The following TREH variants were observed in gnomAD, a reference collection of about 807,000 sequenced individuals.
TREH encodes the protein trehalase, also known as alpha,alpha-trehalose glucohydrolase.
TREH carries 69 observed loss-of-function variants against 80.5 expected under a neutral mutation model. That is an observed-to-expected ratio of 0.86 (90% CI 0.71 to 1.05). The LOEUF (loss-of-function observed/expected upper bound fraction) is 1.05, where lower values mean the gene tolerates loss of function less well. TREH is among the 50% of genes least tolerant of loss of function. The probability of loss-of-function intolerance (pLI) is 0.00; values close to 1 mark genes in which losing one functional copy is unlikely to be tolerated. For missense variants in TREH, 716 were observed against 718.8 expected, an observed-to-expected ratio of 1.00 and a Z score of 0.04; for synonymous variants, 309 against 293.5, an observed-to-expected ratio of 1.05 and a Z score of -0.54.
intron 1 of TREH, among the ~76,000 whole-genome samples, chr11:118,665,966 G>A (rs912990592): frequency 3.3e-5 from 5 of 151,862 alleles, no homozygotes; most frequent in South Asian, 2.1e-4. Context: ...GGCCGGGCGC[G>A]GTGGCTCACG....
chr11:118,665,434 A>T (rs1233401297), intron 1 of TREH, among the ~76,000 whole-genome samples: 2 of 151,892 alleles, frequency 1.3e-5, no homozygotes, highest in Admixed American at 1.3e-4. Context: ...GGTCAGGAGA[A>T]CGAGACCTTC....
Position 118,661,546 on chromosome 11 carries a change from C to T in TREH, c.618-37G>A. On this transcript the variant is annotated intron_variant, in intron 6 of 14. Coordinates refer to ENST00000264029, the MANE Select transcript of TREH (RefSeq NM_007180.3). This position sits in a 1 kb window ranked among gnomAD's most constrained non-coding sequence, Gnocchi z 4.2. ...AAGGCCTGCTGAGATGCCCTCTCCC[C>T]AGCAACTGGCACCAAGGCAATCCAG... 1 of 1,612,602 alleles carries T rather than the reference C, an allele frequency of 6.2e-7. No individual in the cohort carries two copies. The highest frequency in any genetic ancestry group is 2.2e-5 in the East Asian group (1 of 44,844).
chr11:118,672,553 T>C (rs552738270), intron 1 of TREH, among the ~76,000 whole-genome samples: 7 of 150,866 alleles, frequency 4.6e-5, no homozygotes, highest in African/African-American at 1.2e-4. Flanking sequence ...CTACTAAAAA[T>C]ACGAAAAATT....
intron 1 of TREH, among the ~76,000 whole-genome samples, 190 bp downstream of exon 1, chr11:118,679,349 A>C (rs1949511677): frequency 6.6e-6 from 1 of 152,128 alleles, no homozygotes; most frequent in Admixed American, 6.5e-5. Context: ...CAACAAAAAA[A>C]ACGGACTGCA....
Position 118,658,050 on chromosome 11 carries a change from G to T in TREH, c.*239C>A. The T allele has an allele frequency of 1.8e-6, 1 of 561,526 alleles. No homozygotes were observed. Among genetic ancestry groups the T allele is most frequent in the Non-Finnish European group, 3.1e-6 (1 of 318,712 alleles). The allele number at this position is 561,526 out of a possible 1,614,324, so 34.8% of individuals were successfully genotyped here. On this transcript the variant is annotated 3_prime_UTR_variant, in exon 15 of 15. Transcript: ENST00000264029. ...GGAAGTGAGTGGAAGGCCGGTGTGG[G>T]GCTTGGCGCTGAGGCACTTGGGGAT...
chr11:118,663,604 G>A (rs1158026693), intron 1 of TREH, among the ~76,000 whole-genome samples, 165 bp from the exon 2 acceptor site: 1 of 152,072 alleles, frequency 6.6e-6, no homozygotes, highest in Admixed American at 6.6e-5. Context: ...TTGTGGGTTG[G>A]AGTGACATAC....
intron 12 of TREH, 21 bp downstream of exon 12, chr11:118,659,349 G>C (rs782545765): frequency 1.3e-5 from 20 of 1,523,620 alleles, no homozygotes; most frequent in Non-Finnish European, 1.7e-5. Flanking sequence ...GTCCTTGGCT[G>C]TGTCAGCCCT....
chr11:118,664,580 A>G (rs1949359551), intron 1 of TREH, among the ~76,000 whole-genome samples: 1 of 152,240 alleles, frequency 6.6e-6, no homozygotes, highest in Non-Finnish European at 1.5e-5. Flanking sequence ...AGAACAGAAG[A>G]TGCTGTACCA....
intron 11 of TREH, 124 bp from the exon 12 acceptor site, chr11:118,659,605 GC>G: frequency 3.7e-6 from 5 of 1,344,992 alleles, no homozygotes; most frequent in Non-Finnish European, 4.0e-6. Context: ...GCTCACAGCT[GC>G]CCCCCGGTGG....
At chr11:118,673,597 G>A (rs1252778507) in intron 1 of TREH, among the ~76,000 whole-genome samples, 5 of 152,212 alleles carry the variant, frequency 3.3e-5, no homozygotes, top group African/African-American at 1.2e-4. Flanking sequence ...AGCACGCAGG[G>A]ATGTCTGCTT....
intron 10 of TREH, 119 bp downstream of exon 10, chr11:118,660,420 G>T (rs887642037): frequency 2.8e-6 from 3 of 1,052,928 alleles, no homozygotes; most frequent in Admixed American, 5.1e-5. Flanking sequence ...CACTAGGGCG[G>T]GGCTCGACAG....
chr11:118,671,244 G>A (rs2137280926), intron 1 of TREH, among the ~76,000 whole-genome samples: 1 of 152,238 alleles, frequency 6.6e-6, no homozygotes, highest in African/African-American at 2.4e-5. Flanking sequence ...TAAGAATATA[G>A]TTATATTTTT....
chr11:118,658,874 G>A (rs377749834), intron 13 of TREH, 31 bp downstream of exon 13: 2 of 1,611,824 alleles, frequency 1.2e-6, no homozygotes, highest in African/African-American at 2.7e-5. Context: ...GGGACAGCCT[G>A]GGGGTGCAGG....
intron 1 of TREH, among the ~76,000 whole-genome samples, chr11:118,668,561 CAAAA>C (rs35085066): frequency 4.2e-5 from 2 of 47,868 alleles, no homozygotes; most frequent in Non-Finnish European, 3.3e-5. Context: ...GACTCTGTCT[CAAAA>C]AAAAAAAAAA....
chr11:118,667,399 C>A (rs1291526952), intron 1 of TREH, among the ~76,000 whole-genome samples: 3 of 151,932 alleles, frequency 2.0e-5, no homozygotes, highest in Non-Finnish European at 4.4e-5. Flanking sequence ...CCAGGCTGGT[C>A]TTGAACTCCT....
In TREH at chr11:118,662,978, C is replaced by T; in HGVS notation, c.336-10G>A. The T allele has an allele frequency of 6.2e-7, 1 of 1,611,422 alleles. No homozygotes were observed. Among genetic ancestry groups the T allele is most frequent in the Non-Finnish European group, 8.5e-7 (1 of 1,178,448 alleles). On this transcript the variant is annotated splice_polypyrimidine_tract_variant and intron_variant, in intron 3 of 14. Transcript: ENST00000264029. ...CTGCAGGAACTGGGGGCTGAAAGAA[C>T]ACAGGCCCCACAGGGTTCAAGGAGG...
chr11:118,672,744 C>T (rs1236337440), intron 1 of TREH, among the ~76,000 whole-genome samples: 1 of 147,166 alleles, frequency 6.8e-6, no homozygotes, highest in East Asian at 2.0e-4. Flanking sequence ...AAAGAAATCA[C>T]CTGAAGGTAC....
Position 118,658,739 on chromosome 11 carries a change from G to A in TREH, c.1546-6C>T. 2 of 1,607,576 alleles carry A rather than the reference G, an allele frequency of 1.2e-6. No individual in the cohort carries two copies. The highest frequency in any genetic ancestry group is 2.2e-5 in the East Asian group (1 of 44,598). ...CCACCGTTGCTGACGTCATACTGGG[G>A]ACAAGCGGGTGGGCTGTATGTCAGG... On this transcript the variant is annotated splice_polypyrimidine_tract_variant and splice_region_variant and intron_variant, in intron 13 of 14. Transcript: ENST00000264029.
chr11:118,660,912 A>G lies in TREH; in HGVS notation c.861T>C (p.Pro287=), dbSNP rs782246400. ...ACTCCACATCTTTGCTGTAGGACTCAGGCCTGGCAAAGAGGAGAGGTGGGC... is the reference window on the plus strand; with the variant it reads ...ACTCCACATCTTTGCTGTAGGACTCGGGCCTGGCAAAGAGGAGAGGTGGGC... ...RYYVPYGGPR[P]ESYSKDVELA... The change falls in exon 9 of 15, where the codon CCT becomes CCC. Residue 287 remains proline, a synonymous_variant. Coordinates refer to ENST00000264029, the MANE Select transcript of TREH (RefSeq NM_007180.3). 4 of 1,570,786 alleles carry G rather than the reference A, an allele frequency of 2.5e-6. No homozygotes were observed. The highest frequency in any genetic ancestry group is 3.5e-6 in the Non-Finnish European group (4 of 1,157,262).
Sources: allele counts gnomAD v4.1 joint callset (sites outside exome capture counted in the v4.1 genomes callset), GRCh38; gene constraint gnomAD v4.1.1; non-coding constraint Gnocchi (gnomAD v3.1); transcripts MANE v1.5; gene names NCBI Gene and HGNC (gene_info 2026-07-23, HGNC 2026-07-21).